CUX2: variants seen among roughly 807,000 people sequenced by gnomAD.
CUX2 encodes homeobox protein cut-like 2.
In CUX2, 40 loss-of-function variants were observed where a neutral mutation model predicts 144.8. That is an observed-to-expected ratio of 0.28 (90% CI 0.21 to 0.36). The LOEUF (loss-of-function observed/expected upper bound fraction) is 0.36. Ranked by LOEUF, CUX2 falls within the 10% of genes least tolerant of loss-of-function variation. The pLI is 1.00. For synonymous variants in CUX2, 827 were observed against 875.6 expected, an observed-to-expected ratio of 0.94 and a Z score of 0.98; for missense variants, 1,615 against 1,994.0, an observed-to-expected ratio of 0.81 and a Z score of 3.62.
At chr12:111,145,859 G>A (rs1056109747) in intron 1 of CUX2, among the ~76,000 whole-genome samples, 1 of 139,576 alleles carries the variant, frequency 7.2e-6, no homozygotes, top group Non-Finnish European at 1.5e-5. Context: ...GTTTGTTTTT[G>A]TTTTGTTTTG....
rs1350580404 is a variant in CUX2 at position 111,326,278 on chromosome 12, TGG to T, written c.2926+3702_2926+3703del. Among the ~76,000 whole-genome samples, 7 of 33,992 alleles carry T rather than the reference TGG, an allele frequency of 2.1e-4. 1 individual carries two copies. Among genetic ancestry groups the T allele is most frequent in the African/African-American group, 1.3e-3 (6 of 4,604 alleles). The allele number at this position is 33,992 out of a possible 152,430, so 22.3% of individuals were successfully genotyped here. On this transcript the variant is annotated intron_variant, in intron 18 of 21. Transcript: ENST00000261726. ...GTGGGTTTTGTTTATAGTGTTGTGTTGGGGGAGGGGTTGGTTTTGTTTATAGT... is the reference window on the plus strand; with the variant it reads ...GTGGGTTTTGTTTATAGTGTTGTGTTGGGAGGGGTTGGTTTTGTTTATAGT...
intron 18 of CUX2, among the ~76,000 whole-genome samples, chr12:111,325,298 GAAAAA>G (rs113921328): frequency 2.3e-5 from 2 of 86,400 alleles, no homozygotes; most frequent in African/African-American, 1.1e-4. Flanking sequence ...CGTCTCAAAA[GAAAAA>G]AAAAAAAGCA....
At chr12:111,104,779 C>G (rs986449404) in intron 1 of CUX2, among the ~76,000 whole-genome samples, 7 of 152,168 alleles carry the variant, frequency 4.6e-5, no homozygotes, top group Non-Finnish European at 1.0e-4. Context: ...CATTGAGCTT[C>G]AGAGACACCT....
chr12:111,159,338 A>AGG (rs1469061210), intron 1 of CUX2, among the ~76,000 whole-genome samples: 1 of 145,188 alleles, frequency 6.9e-6, no homozygotes, highest in African/African-American at 2.6e-5. Flanking sequence ...TCCTAGAGAG[A>AGG]GGGGTCTCAC....
intron 4 of CUX2, among the ~76,000 whole-genome samples, chr12:111,286,228 G>A (rs973247110): frequency 6.6e-6 from 1 of 152,120 alleles, no homozygotes; most frequent in South Asian, 2.1e-4. Flanking sequence ...AGCACACAAC[G>A]CCTAGCAAGG....
At chr12:111,177,949 C>T (rs946939375) in intron 1 of CUX2, among the ~76,000 whole-genome samples, 12 of 152,222 alleles carry the variant, frequency 7.9e-5, no homozygotes, top group South Asian at 4.1e-4. Context: ...AAATGCCCAG[C>T]GCGTAGTAAG....
chr12:111,290,132 C>A (rs1392819773), intron 4 of CUX2, among the ~76,000 whole-genome samples: 2 of 152,180 alleles, frequency 1.3e-5, no homozygotes, highest in East Asian at 3.9e-4. Context: ...TCTTAAAGTG[C>A]CACAGATAGC....
intron 1 of CUX2, among the ~76,000 whole-genome samples, chr12:111,078,638 C>T (rs1465472861): frequency 6.6e-6 from 1 of 152,088 alleles, no homozygotes; most frequent in Non-Finnish European, 1.5e-5. Flanking sequence ...CCACTACACT[C>T]CAGCCTGGGC....
At chr12:111,049,886 AG>A in intron 1 of CUX2, among the ~76,000 whole-genome samples, 1 of 152,316 alleles carries the variant, frequency 6.6e-6, no homozygotes, top group African/African-American at 2.4e-5. Flanking sequence ...CCACTAGGAC[AG>A]GGGCTCCCTG....
chr12:111,258,833 G>A (rs73197983), intron 3 of CUX2, among the ~76,000 whole-genome samples: 1,926 of 152,218 alleles, frequency 0.013, 28 homozygotes, highest in Non-Finnish European at 0.021. Context: ...CTGCAGGGGT[G>A]CACCACCACA....
rs1317139877 is a variant in CUX2, at chr12:111,318,238, CTTTTTTCTTTT to C, written c.2003-1767_2003-1757del. Among the ~76,000 whole-genome samples the C allele has an allele frequency of 8.6e-4, 94 of 109,652 alleles. 1 individual carries two copies. Among genetic ancestry groups the C allele is most frequent in the South Asian group, 4.5e-3 (13 of 2,904 alleles). The allele number at this position is 109,652 out of a possible 152,430, so 71.9% of individuals were successfully genotyped here. A position where few individuals can be genotyped will look rare whatever the true frequency, so the allele number is the denominator to read the frequency against. On this transcript the variant is annotated intron_variant, in intron 16 of 21. Coordinates refer to ENST00000261726, the MANE Select transcript of CUX2 (RefSeq NM_015267.4). Reference sequence around the variant, plus strand: ...CACCATGCCTGGCTAATTTTTTTTTCTTTTTTCTTTTTTTTTTTTTTTTCACTTTTTTGTAG... The same window carrying C: ...CACCATGCCTGGCTAATTTTTTTTTCTTTTTTTTTTTTCACTTTTTTGTAG...
intron 1 of CUX2, among the ~76,000 whole-genome samples, chr12:111,134,589 T>G (rs1875719057): frequency 6.7e-6 from 1 of 148,468 alleles, no homozygotes; most frequent in African/African-American, 2.6e-5. Context: ...ACCAATAAGA[T>G]CTCTTTCTCT....
At position 111,307,142 on chromosome 12, in the gene CUX2, G is replaced by A; in HGVS notation, c.1050+30G>A. ...GTCCTGGGGAGGAGGCAGGCGGGCAGGCGGCCCCATGCAGAAGCACACAGA... is the reference window on the plus strand; with the variant it reads ...GTCCTGGGGAGGAGGCAGGCGGGCAAGCGGCCCCATGCAGAAGCACACAGA... On this transcript the variant is annotated intron_variant, in intron 11 of 21. Coordinates refer to ENST00000261726, the MANE Select transcript of CUX2 (RefSeq NM_015267.4). This position sits in a 1 kb window ranked among gnomAD's most constrained non-coding sequence, Gnocchi z 4.1. The A allele has an allele frequency of 6.2e-7, 1 of 1,613,740 alleles. No individual in the cohort carries two copies. The highest frequency in any genetic ancestry group is 1.3e-5 in the African/African-American group (1 of 75,038).
chr12:111,215,877 C>T (rs892047946), intron 2 of CUX2, among the ~76,000 whole-genome samples: 1 of 152,188 alleles, frequency 6.6e-6, no homozygotes, highest in African/African-American at 2.4e-5. Context: ...TGTTTTAAGC[C>T]TCTGAGTTCA....
chr12:111,052,289 A>T (rs1870308310), intron 1 of CUX2, among the ~76,000 whole-genome samples: 1 of 152,184 alleles, frequency 6.6e-6, no homozygotes, highest in African/African-American at 2.4e-5. Context: ...TTACCATAGC[A>T]GGTGTCAGAC....
chr12:111,173,629 A>G (rs1878675312), intron 1 of CUX2, among the ~76,000 whole-genome samples: 2 of 152,204 alleles, frequency 1.3e-5, no homozygotes, highest in South Asian at 4.1e-4. Context: ...GGCTCACGAC[A>G]GCAGGAAACT....
chr12:111,221,669 C>G (rs888577110), intron 3 of CUX2, among the ~76,000 whole-genome samples: 6 of 152,194 alleles, frequency 3.9e-5, no homozygotes, highest in Middle Eastern at 3.4e-3. Context: ...ATACCATGTT[C>G]AATAAAATAT....
rs946895339 is a variant in CUX2, at chr12:111,289,490, T to G, written c.302-1928T>G. Among the ~76,000 whole-genome samples, 1 of 152,108 alleles carries G rather than the reference T, an allele frequency of 6.6e-6. No homozygotes were observed. Among genetic ancestry groups the G allele is most frequent in the Non-Finnish European group, 1.5e-5 (1 of 68,020 alleles). On this transcript the variant is annotated intron_variant, in intron 4 of 21. Transcript: ENST00000261726. The surrounding 1 kb of genome is among the most constrained non-coding windows in gnomAD (Gnocchi z 4.1). ...AGTCCTGTGCATGGGTTTTGTAGCCTGGAAGGTGCCAACACACCTCTGAGA... is the reference window on the plus strand; with the variant it reads ...AGTCCTGTGCATGGGTTTTGTAGCCGGGAAGGTGCCAACACACCTCTGAGA...
At position 111,263,534 on chromosome 12, in the gene CUX2, A is replaced by C. The variant is rs1884233198; in HGVS notation, c.223-227A>C. On this transcript the variant is annotated intron_variant, in intron 3 of 21. Coordinates refer to ENST00000261726, the MANE Select transcript of CUX2 (RefSeq NM_015267.4). This position sits in a 1 kb window ranked among gnomAD's most constrained non-coding sequence, Gnocchi z 4.0. ...CAGCTACTCAGGAGGCTGAGGCAGA[A>C]GAATTACTTGAACCCAGGAGGCGGA... 6.6e-6 allele frequency among the ~76,000 whole-genome samples: 1 copy of C among 152,228 alleles called. No homozygotes were observed. The highest frequency in any genetic ancestry group is 1.9e-4 in the East Asian group (1 of 5,182).
Sources: gnomAD v4.1 joint callset for allele counts (sites outside exome capture counted in the v4.1 genomes callset) on GRCh38, gnomAD v4.1.1 for gene constraint, Gnocchi (gnomAD v3.1) non-coding constraint, MANE v1.5 for transcripts, NCBI Gene and HGNC (gene_info 2026-07-23, HGNC 2026-07-21) for gene names.